The following PTPN14 variants were observed in gnomAD, a reference collection of about 807,000 sequenced individuals.
The protein encoded by PTPN14 is tyrosine-protein phosphatase non-receptor type 14.
In PTPN14, 53 loss-of-function variants were observed where a neutral mutation model predicts 126.8. That is an observed-to-expected ratio of 0.42 (90% CI 0.34 to 0.53). The LOEUF is 0.53. Ranked by LOEUF, PTPN14 falls within the 20% of genes least tolerant of loss-of-function variation. The probability of loss-of-function intolerance (pLI) is 0.08; values close to 1 mark genes in which losing one functional copy is unlikely to be tolerated. For missense variants in PTPN14, 1,257 were observed against 1,552.9 expected, an observed-to-expected ratio of 0.81 and a Z score of 3.20; for synonymous variants, 630 against 599.3, an observed-to-expected ratio of 1.05 and a Z score of -0.75.
At chr1:214,533,254 G>C (rs1655600445) in intron 1 of PTPN14, 2 of 629,962 alleles carry the variant, frequency 3.2e-6, no homozygotes, top group African/African-American at 3.6e-5. Flanking sequence ...GCAACACCAA[G>C]CCCAGGAGTG....
At position 214,453,836 on chromosome 1, in the gene PTPN14, G is replaced by GA. The variant is rs540163104; in HGVS notation, c.175-1863dup. On this transcript the variant is annotated intron_variant, in intron 2 of 18. Coordinates refer to ENST00000366956, the MANE Select transcript of PTPN14 (RefSeq NM_005401.5). ...AACATAAATATTTAAAAGATGTAAG[G>GA]AAAAAAATCACAAAGCTATACCTCC... 3.6e-3 allele frequency among the ~76,000 whole-genome samples: 546 copies of GA among 152,182 alleles called. 3 individuals are homozygous for GA. Among genetic ancestry groups the GA allele is most frequent in the African/African-American group, 0.013 (526 of 41,520 alleles).
chr1:214,398,549 C>A (rs1479736344), intron 7 of PTPN14, among the ~76,000 whole-genome samples: 1 of 151,388 alleles, frequency 6.6e-6, no homozygotes, highest in Non-Finnish European at 1.5e-5. Context: ...TGGGCTCAGA[C>A]AATCCTCCTA....
At chr1:214,498,655 A>G (rs1654606326) in intron 1 of PTPN14, among the ~76,000 whole-genome samples, 1 of 152,214 alleles carries the variant, frequency 6.6e-6, no homozygotes, top group Non-Finnish European at 1.5e-5. Flanking sequence ...TTTCCCATCC[A>G]CAAGAAAATG....
intron 15 of PTPN14, among the ~76,000 whole-genome samples, chr1:214,373,716 A>G (rs1658276138): frequency 6.7e-6 from 1 of 148,600 alleles, no homozygotes; most frequent in Admixed American, 6.8e-5. Flanking sequence ...AAAAAAAAAG[A>G]TCATGAAACA....
chr1:214,363,967 C>T (rs1374159525), intron 18 of PTPN14, among the ~76,000 whole-genome samples: 1 of 152,158 alleles, frequency 6.6e-6, no homozygotes, highest in Admixed American at 6.5e-5. Context: ...CCCGCTGATG[C>T]AAAGACGGGG....
At chr1:214,417,749 C>A (rs1659457840) in intron 3 of PTPN14, among the ~76,000 whole-genome samples, 1 of 152,140 alleles carries the variant, frequency 6.6e-6, no homozygotes, top group Non-Finnish European at 1.5e-5. Context: ...GGCTGTATTA[C>A]CACAGAACTA....
chr1:214,498,568 T>TAA (rs1654603814), intron 1 of PTPN14, among the ~76,000 whole-genome samples: 1 of 152,158 alleles, frequency 6.6e-6, no homozygotes, highest in Non-Finnish European at 1.5e-5. Context: ...GATTACTCAA[T>TAA]AATATATGGA....
intron 14 of PTPN14, among the ~76,000 whole-genome samples, chr1:214,377,220 C>T (rs1279277492): frequency 2.0e-5 from 3 of 152,156 alleles, no homozygotes; most frequent in African/African-American, 2.4e-5. Context: ...ATGTCTTTTG[C>T]GGGAGACATG....
At chr1:214,432,146 G>A (rs1659810517) in intron 3 of PTPN14, among the ~76,000 whole-genome samples, 1 of 151,744 alleles carries the variant, frequency 6.6e-6, no homozygotes, top group Non-Finnish European at 1.5e-5. Flanking sequence ...AGCTATGATT[G>A]CAACACTGCA....
intron 1 of PTPN14, among the ~76,000 whole-genome samples, chr1:214,507,875 G>A (rs758172274): frequency 2.6e-5 from 4 of 152,126 alleles, no homozygotes; most frequent in Admixed American, 2.6e-4. Flanking sequence ...CCACTACTCA[G>A]GAGGCTGAGG....
chr1:214,456,045 C>A (rs1660374445), intron 2 of PTPN14, among the ~76,000 whole-genome samples: 1 of 152,052 alleles, frequency 6.6e-6, no homozygotes, highest in South Asian at 2.1e-4. Flanking sequence ...ATGGTATAAT[C>A]CCCCACCTTA....
chr1:214,452,158 T>C (rs961799756), intron 2 of PTPN14, among the ~76,000 whole-genome samples, 184 bp from the exon 3 acceptor site: 1 of 152,210 alleles, frequency 6.6e-6, no homozygotes, highest in South Asian at 2.1e-4. Context: ...TACTGTAACA[T>C]ACATGGAGTA....
intron 1 of PTPN14, among the ~76,000 whole-genome samples, chr1:214,523,468 A>G (rs762146796): frequency 6.6e-6 from 1 of 152,234 alleles, no homozygotes; most frequent in Admixed American, 6.5e-5. Flanking sequence ...GTACAGTAAC[A>G]TGCTATACAG....
chr1:214,465,005 T>A, intron 1 of PTPN14, 48 bp from the exon 2 acceptor site: 1 of 526,356 alleles, frequency 1.9e-6, no homozygotes, highest in South Asian at 2.5e-5. Context: ...AAGGGACCTA[T>A]CAATGGTACC....
intron 1 of PTPN14, among the ~76,000 whole-genome samples, chr1:214,519,165 A>C (rs1019190101): frequency 3.9e-5 from 6 of 152,150 alleles, no homozygotes; most frequent in Admixed American, 3.9e-4. Flanking sequence ...GCTACTTGGG[A>C]GGCTGAGGGA....
At chr1:214,446,712 T>C (rs1181245400) in intron 3 of PTPN14, among the ~76,000 whole-genome samples, 2 of 151,694 alleles carry the variant, frequency 1.3e-5, no homozygotes, top group African/African-American at 4.9e-5. Flanking sequence ...TGTCTTGATA[T>C]ATATATGGGT....
chr1:214,423,470 T>G (rs375103806), intron 3 of PTPN14, among the ~76,000 whole-genome samples: 6 of 152,324 alleles, frequency 3.9e-5, no homozygotes, highest in African/African-American at 1.2e-4. Context: ...TCTCTGTCAC[T>G]GTAACCATGA....
intron 6 of PTPN14, among the ~76,000 whole-genome samples, chr1:214,402,667 A>AGGG (rs1558086989): frequency 1.4e-4 from 2 of 13,812 alleles, no homozygotes; most frequent in Non-Finnish European, 2.6e-4. Context: ...GGAAGGAAGG[A>AGGG]AGGAAGGAAG....
intron 5 of PTPN14, among the ~76,000 whole-genome samples, chr1:214,403,786 G>A (rs1659095498): frequency 6.6e-6 from 1 of 152,228 alleles, no homozygotes; most frequent in African/African-American, 2.4e-5. Context: ...TAGAGGTAGA[G>A]ATTCTAGAGT....
Sources: gnomAD v4.1 joint callset for allele counts (sites outside exome capture counted in the v4.1 genomes callset) on GRCh38, gnomAD v4.1.1 for gene constraint, MANE v1.5 for transcripts, NCBI Gene and HGNC (gene_info 2026-07-23, HGNC 2026-07-21) for gene names.